Variants in SVOPL observed in about 807,000 individuals in gnomAD.
SVOPL encodes the protein putative transporter SVOPL.
SVOPL carries 60 observed loss-of-function variants against 61.0 expected under a neutral mutation model. The ratio of observed to expected loss-of-function variants is 0.98; its 90% CI spans 0.80 to 1.22. The LOEUF (loss-of-function observed/expected upper bound fraction) is 1.22, where lower values mean the gene tolerates loss of function less well. SVOPL is among the 50% of genes most tolerant of loss of function. The pLI, the probability that SVOPL is intolerant of heterozygous loss-of-function variation, is 0.00. For synonymous variants in SVOPL, 279 were observed against 250.0 expected (o/e 1.12, Z -1.09); for missense variants, 662 against 643.9 (o/e 1.03, Z -0.30).
At chr7:138,668,346 T>G (rs1327346438) in intron 4 of SVOPL, among the ~76,000 whole-genome samples, 1 of 152,166 alleles carries the variant, frequency 6.6e-6, no homozygotes, top group Non-Finnish European at 1.5e-5. Flanking sequence ...TGGGAATTAC[T>G]CCTTCTCTAT....
intron 9 of SVOPL, among the ~76,000 whole-genome samples, chr7:138,635,364 G>T (rs1404120616): frequency 6.6e-6 from 1 of 151,418 alleles, no homozygotes; most frequent in Non-Finnish European, 1.5e-5. Flanking sequence ...GCTGGTTGGA[G>T]GAGGAAAATG....
At chr7:138,646,344 T>C (rs1801110429) in intron 8 of SVOPL, 1 of 185,428 alleles carries the variant, frequency 5.4e-6, no homozygotes, top group African/African-American at 2.4e-5. Flanking sequence ...CCTTGATGTC[T>C]ACAATATCAC....
Position 138,630,112 on chromosome 7 carries a change from C to G in SVOPL, c.800G>C (p.Gly267Ala). Reference protein sequence around the residue: ...KLVEPVLEKRGRFADLLDAKY... With the variant: ...KLVEPVLEKRARFADLLDAKY... ...AGCATCCAATAGGTCTGCAAATCTT[C>G]CTCTTTTTTCCTGGGGTAATGAAAA... is the stretch of plus-strand genomic sequence containing the variant. The change falls in exon 10 of 16, where the codon GGA (glycine) becomes GCA (alanine). Residue 267 changes from glycine to alanine, a missense_variant. Physicochemically the swap from Gly to Ala is moderately conservative, Grantham distance 60. Coordinates refer to ENST00000674285, the MANE Select transcript of SVOPL (RefSeq NM_001139456.2). 1.2e-6 allele frequency: 2 copies of G among 1,613,762 alleles called. No individual in the cohort carries two copies. The highest frequency in any genetic ancestry group is 8.5e-7 in the Non-Finnish European group (1 of 1,179,682).
At chr7:138,663,034 C>A (rs752163550) in intron 5 of SVOPL, 40 bp downstream of exon 5, 1 of 1,613,514 alleles carries the variant, frequency 6.2e-7, no homozygotes, top group Non-Finnish European at 8.5e-7. Context: ...AAAGAATACA[C>A]AAAAGACAAT....
intron 10 of SVOPL, among the ~76,000 whole-genome samples, chr7:138,628,569 A>G (rs1045031939): frequency 4.6e-5 from 7 of 152,190 alleles, no homozygotes; most frequent in African/African-American, 1.4e-4. Flanking sequence ...ACCTAGGAGC[A>G]GAATTGCCGG....
intron 14 of SVOPL, among the ~76,000 whole-genome samples, chr7:138,609,518 G>C (rs965154159): frequency 4.6e-5 from 7 of 151,466 alleles, no homozygotes; most frequent in African/African-American, 1.7e-4. Flanking sequence ...AAATAGCAGG[G>C]TGTGGTGGTG....
chr7:138,601,029 A>G (rs1798495139), intron 14 of SVOPL, among the ~76,000 whole-genome samples: 1 of 152,112 alleles, frequency 6.6e-6, no homozygotes, highest in Admixed American at 6.6e-5. Flanking sequence ...AGGCGGGTGG[A>G]TCACAAGGTC....
Position 138,672,033 on chromosome 7 carries a change from C to T in SVOPL, c.259G>A (p.Ala87Thr), listed in dbSNP as rs754412551. ...CAGGTACTTACCGTGGTTACTAATG[C>T]CACCTGCCAATTCTCCAGTTGCCAT... ...CEWQLENWQV[A>T]LVTTMVFFGY... is the part of the protein sequence containing the mutation. The change falls in exon 4 of 16, where the codon GCA (alanine) becomes ACA (threonine). Residue 87 changes from alanine to threonine, a missense_variant. Transcript: ENST00000674285. 2.4e-5 allele frequency: 37 copies of T among 1,551,538 alleles called. No homozygotes were observed. The highest frequency in any genetic ancestry group is 3.2e-5 in the Non-Finnish European group (37 of 1,146,984).
chr7:138,656,499 CTT>C lies in SVOPL; in HGVS notation c.481_482del (p.Lys161AspfsTer2). The C allele has an allele frequency of 1.2e-6, 2 of 1,613,926 alleles. No individual in the cohort carries two copies. The highest frequency in any genetic ancestry group is 1.7e-6 in the Non-Finnish European group (2 of 1,179,968). The part of the protein sequence containing the change: ...VSGHSQGLII[K>X]TEFLPTKYRG... The stretch of plus-strand genomic sequence containing the variant: ...GGTATTTCGTGGGCAAAAATTCAGT[CTT>C]TATGATTAACCTAAACAGGAAGCAG... On this transcript the variant is annotated frameshift_variant, in exon 7 of 16. Transcript: ENST00000674285. LOFTEE classifies it high-confidence loss of function.
intron 1 of SVOPL, among the ~76,000 whole-genome samples, chr7:138,691,022 G>A (rs1584871501): frequency 6.6e-6 from 1 of 152,040 alleles, no homozygotes; most frequent in Non-Finnish European, 1.5e-5. Context: ...AGATCCACCC[G>A]CCTTGGCCTC....
chr7:138,669,685 T>C (rs1364821375), intron 4 of SVOPL, among the ~76,000 whole-genome samples: 2 of 152,210 alleles, frequency 1.3e-5, no homozygotes, highest in African/African-American at 2.4e-5. Context: ...TTATGACTTA[T>C]TGCCCATCTA....
At chr7:138,614,316 GA>G (rs1563089730) in intron 14 of SVOPL, among the ~76,000 whole-genome samples, 1 of 151,418 alleles carries the variant, frequency 6.6e-6, no homozygotes, top group African/African-American at 2.4e-5. Flanking sequence ...ATTTCAGCTA[GA>G]AAAAGCAGAG....
At position 138,663,001 on chromosome 7, in the gene SVOPL, A is replaced by G; in HGVS notation, c.345+73T>C. On this transcript the variant is annotated intron_variant, in intron 5 of 15. Transcript: ENST00000674285. ...TGGGAGGGAGATGCCTACTAAAGAG[A>G]AACAGTGATAAGGTTGCCCCCAAAA... is the stretch of plus-strand genomic sequence containing the variant. 5 of 1,605,346 alleles carry G rather than the reference A, an allele frequency of 3.1e-6. No individual in the cohort carries two copies. The South Asian group carries it at 5.6e-5, about 18-fold the overall frequency.
At chr7:138,646,639 C>T (rs1382234037) in intron 8 of SVOPL, among the ~76,000 whole-genome samples, 1 of 152,162 alleles carries the variant, frequency 6.6e-6, no homozygotes, top group East Asian at 1.9e-4. Context: ...CCATCTCAGC[C>T]TCCTGAGTAG....
chr7:138,605,091 T>C (rs1798694575), intron 14 of SVOPL, among the ~76,000 whole-genome samples: 1 of 148,644 alleles, frequency 6.7e-6, no homozygotes, highest in Non-Finnish European at 1.5e-5. Flanking sequence ...TAATCGCTAA[T>C]GTAGAGGAAA....
At chr7:138,637,025 ATTCTCT>A (rs1169460902) in intron 9 of SVOPL, among the ~76,000 whole-genome samples, 1 of 152,190 alleles carries the variant, frequency 6.6e-6, no homozygotes, top group Non-Finnish European at 1.5e-5. Context: ...AACTTGAAAC[ATTCTCT>A]TTATCATATA....
intron 9 of SVOPL, among the ~76,000 whole-genome samples, chr7:138,640,683 T>C (rs1800739474): frequency 1.3e-5 from 2 of 152,176 alleles, no homozygotes. Context: ...AAATACCATA[T>C]GTTCTCACCT....
At chr7:138,695,824 C>G (rs1400543652) in intron 1 of SVOPL, among the ~76,000 whole-genome samples, 1 of 152,148 alleles carries the variant, frequency 6.6e-6, no homozygotes, top group East Asian at 1.9e-4. Context: ...CTCTGCCTCA[C>G]CCAGGCTGGA....
intron 13 of SVOPL, among the ~76,000 whole-genome samples, chr7:138,622,210 C>G (rs369934945): frequency 1.3e-4 from 13 of 97,704 alleles, no homozygotes; most frequent in Admixed American, 2.2e-4. Context: ...ATGTATCTAT[C>G]TATCTATCTA....
Sources: gnomAD v4.1 joint callset for allele counts (sites outside exome capture counted in the v4.1 genomes callset) on GRCh38, gnomAD v4.1.1 for gene constraint, MANE v1.5 for transcripts, NCBI Gene and HGNC (gene_info 2026-07-23, HGNC 2026-07-21) for gene names.